Variants in AIM2 observed in about 807,000 individuals in gnomAD.
AIM2 encodes the protein absent in melanoma 2, also known as interferon-inducible protein AIM2.
Under a neutral mutation model 27.7 loss-of-function variants are expected in AIM2, and 30 were observed. The observed-to-expected ratio is 1.08, with a 90% CI of 0.81 to 1.47. AIM2 has a LOEUF of 1.47. Ranked by LOEUF, AIM2 falls within the 40% of genes most tolerant of loss-of-function variation. The pLI is 0.00. For synonymous variants in AIM2, 141 were observed against 145.3 expected (o/e 0.97, Z 0.21); for missense variants, 358 against 411.3 (o/e 0.87, Z 1.12).
At position 159,066,192 on chromosome 1, in the gene AIM2, A is replaced by G. The variant is rs1249394963; in HGVS notation, c.534T>C (p.His178=). ...ETQEGKQEMF[H]ATVATEKEFF... ...ATTCCTTTTCTGTAGCCACTGTAGC[A>G]TGAAACATCTCCTGCTTGCCTTCTT... The change falls in exon 4 of 6, where the codon CAT becomes CAC. Residue 178 remains histidine, a synonymous_variant. Coordinates refer to ENST00000368130, the MANE Select transcript of AIM2 (RefSeq NM_004833.3). 1.2e-6 allele frequency: 2 copies of G among 1,614,120 alleles called. No individual in the cohort carries two copies. Among genetic ancestry groups the G allele is most frequent in the Admixed American group, 1.7e-5 (1 of 60,008 alleles).
intron 1 of AIM2, among the ~76,000 whole-genome samples, chr1:159,093,901 A>T (rs1460815639): frequency 7.7e-5 from 11 of 143,086 alleles, no homozygotes; most frequent in African/African-American, 2.9e-4. Context: ...ATGCCTGGAT[A>T]TTTTTTTTTT....
At chr1:159,117,140 T>C (rs909500099) in intron 1 of AIM2, among the ~76,000 whole-genome samples, 4 of 152,098 alleles carry the variant, frequency 2.6e-5, no homozygotes, top group Admixed American at 2.0e-4. Context: ...AGAACAGAGA[T>C]AGGGCAAAAC....
At chr1:159,064,754 C>T (rs1310681442) in intron 4 of AIM2, among the ~76,000 whole-genome samples, 6 of 152,112 alleles carry the variant, frequency 3.9e-5, no homozygotes, top group Non-Finnish European at 5.9e-5. Flanking sequence ...CATGAGCTGC[C>T]GCGCCCAGCC....
chr1:159,144,820 C>A (rs897579616), upstream of AIM2, among the ~76,000 whole-genome samples: 2 of 152,126 alleles, frequency 1.3e-5, no homozygotes, highest in Non-Finnish European at 2.9e-5. Context: ...CCAATTAAAT[C>A]CTACATCCTA....
chr1:159,062,804 T>C (rs1230334391), intron 5 of AIM2, 86 bp from the exon 6 acceptor site: 2 of 1,222,998 alleles, frequency 1.6e-6, no homozygotes, highest in African/African-American at 3.0e-5. Context: ...CCTTCTGAAG[T>C]GTATGTATCA....
intron 2 of AIM2, 46 bp from the exon 3 acceptor site, chr1:159,068,747 G>C: frequency 6.4e-7 from 1 of 1,573,936 alleles, no homozygotes; most frequent in East Asian, 2.3e-5. Context: ...ATAAACATAT[G>C]AGCAGTGCAC....
intron 1 of AIM2, among the ~76,000 whole-genome samples, chr1:159,129,365 T>C (rs539192882): frequency 1.1e-4 from 16 of 152,252 alleles, no homozygotes; most frequent in African/African-American, 3.6e-4. Context: ...CTCTAGAAAA[T>C]TCATGATGCT....
chr1:159,064,817 G>T (rs570642810), intron 4 of AIM2, among the ~76,000 whole-genome samples: 3 of 152,288 alleles, frequency 2.0e-5, no homozygotes, highest in African/African-American at 7.2e-5. Flanking sequence ...AATGATGCAA[G>T]ACCCAGCCAA....
the AIM2 span, among the ~76,000 whole-genome samples, chr1:159,057,326 C>T: frequency 2.0e-5 from 3 of 152,214 alleles, no homozygotes; most frequent in East Asian, 1.9e-4. Context: ...TATCATAAGC[C>T]GAATGCTAAA....
intron 1 of AIM2, among the ~76,000 whole-genome samples, chr1:159,122,590 T>A (rs981045109): frequency 3.9e-5 from 6 of 152,258 alleles, no homozygotes; most frequent in Non-Finnish European, 7.4e-5. Flanking sequence ...TGGGACACAG[T>A]CCTGGGATCC....
intron 2 of AIM2, among the ~76,000 whole-genome samples, chr1:159,071,245 G>T (rs1001312197): frequency 6.6e-6 from 1 of 152,168 alleles, no homozygotes; most frequent in Admixed American, 6.5e-5. Flanking sequence ...CTTCCATGAG[G>T]TGAGGTCATG....
intron 3 of AIM2, among the ~76,000 whole-genome samples, chr1:159,067,289 G>T (rs1237734076): frequency 6.6e-6 from 1 of 152,046 alleles, no homozygotes; most frequent in Non-Finnish European, 1.5e-5. Context: ...TCTTCTCTGT[G>T]TTTTTTATTT....
chr1:159,079,935 C>A (rs1557898317), upstream of AIM2, among the ~76,000 whole-genome samples: 1 of 152,158 alleles, frequency 6.6e-6, no homozygotes, highest in Non-Finnish European at 1.5e-5. Context: ...TGAAGTCATA[C>A]AGTATATAGC....
At chr1:159,067,522 C>G (rs558399151) in intron 3 of AIM2, among the ~76,000 whole-genome samples, 37 of 152,262 alleles carry the variant, frequency 2.4e-4, no homozygotes, top group African/African-American at 8.4e-4. Context: ...GGCAGCATAA[C>G]TGACTGCATT....
intron 1 of AIM2, among the ~76,000 whole-genome samples, chr1:159,091,464 A>G (rs1657041455): frequency 6.6e-6 from 1 of 152,220 alleles, no homozygotes; most frequent in Admixed American, 6.5e-5. Flanking sequence ...GAAGAGGAGG[A>G]GAAACTCCTC....
At chr1:159,074,603 C>T (rs1277315722) in intron 1 of AIM2, among the ~76,000 whole-genome samples, 1 of 151,810 alleles carries the variant, frequency 6.6e-6, no homozygotes, top group African/African-American at 2.4e-5. Context: ...CAAAATAATA[C>T]ACAAAACATT....
At chr1:159,101,992 G>A (rs1369246147) in intron 1 of AIM2, among the ~76,000 whole-genome samples, 2 of 149,536 alleles carry the variant, frequency 1.3e-5, no homozygotes, top group Non-Finnish European at 3.0e-5. Flanking sequence ...AAGTAAATGG[G>A]GAAAATGTCT....
intron 1 of AIM2, among the ~76,000 whole-genome samples, chr1:159,109,728 C>T (rs573986076): frequency 6.6e-6 from 1 of 151,790 alleles, no homozygotes; most frequent in South Asian, 2.1e-4. Flanking sequence ...AAAAAAATTC[C>T]ATCAAAAAGT....
At chr1:159,127,134 A>G (rs928371577) in intron 1 of AIM2, among the ~76,000 whole-genome samples, 2 of 152,226 alleles carry the variant, frequency 1.3e-5, no homozygotes, top group African/African-American at 2.4e-5. Context: ...AAAGAATGCA[A>G]TTGATGAGGT....
Sources: gnomAD v4.1 joint callset for allele counts (sites outside exome capture counted in the v4.1 genomes callset) on GRCh38, gnomAD v4.1.1 for gene constraint, MANE v1.5 for transcripts, NCBI Gene and HGNC (gene_info 2026-07-23, HGNC 2026-07-21) for gene names.